MAP3K4: variants seen among roughly 807,000 people sequenced by gnomAD.
MAP3K4 encodes the protein mitogen-activated protein kinase kinase kinase 4, also known as MAP three kinase 1.
A neutral mutation model predicts 185.6 loss-of-function variants in MAP3K4; 67 were observed. The observed-to-expected ratio is 0.36, with a 90% CI of 0.30 to 0.44. MAP3K4 has a LOEUF of 0.44. Ranked by LOEUF, MAP3K4 falls within the 20% of genes least tolerant of loss-of-function variation. The pLI is 1.00. For missense variants in MAP3K4, 1,551 were observed against 1,995.1 expected (o/e 0.78, Z 4.24); for synonymous variants, 702 against 710.4 (o/e 0.99, Z 0.19).
chr6:161,019,448 C>T (rs1782272092), intron 1 of MAP3K4, among the ~76,000 whole-genome samples: 1 of 152,228 alleles, frequency 6.6e-6, no homozygotes, highest in Non-Finnish European at 1.5e-5. Context: ...GTCTCTCTCG[C>T]CCAGGCTGGA....
Position 161,051,410 on chromosome 6 carries a change from A to G in MAP3K4, c.1707+1431A>G, listed in dbSNP as rs1310267024. ...GGAGGAACGGGTTAAGCATTCACAT[A>G]AATTCAGGAAGATGTTTACAACATG... On this transcript the variant is annotated intron_variant, in intron 3 of 26. Transcript: ENST00000392142. This position sits in a 1 kb window ranked among gnomAD's most constrained non-coding sequence, Gnocchi z 4.2. 6.6e-6 allele frequency among the ~76,000 whole-genome samples: 1 copy of G among 152,228 alleles called. No individual in the cohort carries two copies. The highest frequency in any genetic ancestry group is 2.4e-5 in the African/African-American group (1 of 41,466).
chr6:161,093,844 G>C lies in MAP3K4; in HGVS notation c.3420G>C (p.Leu1140Phe). The C allele has an allele frequency of 1.2e-6, 2 of 1,611,688 alleles. No individual in the cohort carries two copies. Among genetic ancestry groups the C allele is most frequent in the Non-Finnish European group, 1.7e-6 (2 of 1,178,370 alleles). The change falls in exon 15 of 27, where the codon TTG becomes TTC. Residue 1140 changes from leucine (L) to phenylalanine (F), a missense_variant. Leu to Phe is a conservative substitution (Grantham distance 22). Around this residue, in one of 16 missense-constraint regions of MAP3K4, gnomAD observed 272 missense variants for 301.2 expected, o/e 0.90. Transcript: ENST00000392142. The surrounding 1 kb of genome is among the most constrained non-coding windows in gnomAD (Gnocchi z 5.2). ...AACCACACAGTCCTGTTACAGGTTT[G>C]TACCTTGGTAAGACAGCCGTTAACA... ...IGKPHSPVTG[L>F]YLAIHRNSPR...
chr6:161,025,921 C>G (rs1782627997), intron 1 of MAP3K4, among the ~76,000 whole-genome samples: 1 of 152,152 alleles, frequency 6.6e-6, no homozygotes, highest in Admixed American at 6.5e-5. Context: ...CTATGGTTCT[C>G]TTTAGTTAAG....
At position 161,084,472 on chromosome 6, in the gene MAP3K4, CTG is replaced by C; in HGVS notation, c.2256-27_2256-26del. ...CTATGAGTAGGGACAGTTTTCTTCT[CTG>C]TTTTATTTTTATTTTTGTTCCCTTA... On this transcript the variant is annotated intron_variant, in intron 6 of 26. Transcript: ENST00000392142. This position sits in a 1 kb window ranked among gnomAD's most constrained non-coding sequence, Gnocchi z 4.6. 4 of 1,066,534 alleles carry C rather than the reference CTG, an allele frequency of 3.8e-6. No homozygotes were observed. The highest frequency in any genetic ancestry group is 5.9e-6 in the Non-Finnish European group (4 of 681,678). The allele number at this position is 1,066,534 out of a possible 1,614,324, so 66.1% of individuals were successfully genotyped here.
intron 1 of MAP3K4, among the ~76,000 whole-genome samples, chr6:161,000,676 T>G (rs1407380105): frequency 6.6e-6 from 1 of 152,000 alleles, no homozygotes; most frequent in Non-Finnish European, 1.5e-5. Context: ...AAGGAACTCA[T>G]TTTCCCCTGA....
At chr6:161,102,824 A>AG (rs747459294) in intron 19 of MAP3K4, 45 bp downstream of exon 19, 3 of 1,103,736 alleles carry the variant, frequency 2.7e-6, no homozygotes, top group Non-Finnish European at 3.9e-6. Context: ...AAAAAAAAAA[A>AG]CACGATTACA....
In MAP3K4 at chr6:161,007,455, A is replaced by G. The variant is rs73022099; in HGVS notation, c.152+15372A>G. Among the ~76,000 whole-genome samples, 439 of 152,314 alleles carry G rather than the reference A, an allele frequency of 2.9e-3. 2 individuals are homozygous for G. The highest frequency in any genetic ancestry group is 4.5e-3 in the Non-Finnish European group (306 of 68,020). On this transcript the variant is annotated intron_variant, in intron 1 of 26. Coordinates refer to ENST00000392142, the MANE Select transcript of MAP3K4 (RefSeq NM_005922.4). This position sits in a 1 kb window ranked among gnomAD's most constrained non-coding sequence, Gnocchi z 4.5. ...AGGTTAGCCATTTCTTGGAACACAG[A>G]ACGTGGATTTCCTATCCATTGCTCT...
chr6:160,993,083 A>G (rs1404509613), intron 1 of MAP3K4, among the ~76,000 whole-genome samples: 2 of 152,220 alleles, frequency 1.3e-5, no homozygotes, highest in Non-Finnish European at 2.9e-5. Flanking sequence ...CTGTAACTGT[A>G]GTTAGAACTG....
At chr6:161,040,560 T>G (rs1783404662) in intron 2 of MAP3K4, among the ~76,000 whole-genome samples, 1 of 152,234 alleles carries the variant, frequency 6.6e-6, no homozygotes, top group African/African-American at 2.4e-5. Flanking sequence ...AAATGTAGTC[T>G]GTGACCCAAA....
At chr6:161,081,132 G>C in intron 6 of MAP3K4, 94 bp downstream of exon 6, 1 of 1,374,796 alleles carries the variant, frequency 7.3e-7, no homozygotes, top group Non-Finnish European at 9.9e-7. Flanking sequence ...TGTATGTTTA[G>C]TTACATGAAA....
chr6:161,108,610 AT>A lies in MAP3K4; in HGVS notation c.4120-127del. The A allele has an allele frequency of 1.5e-6, 1 of 654,946 alleles. No homozygotes were observed. The highest frequency in any genetic ancestry group is 2.7e-6 in the Non-Finnish European group (1 of 370,100). The allele number at this position is 654,946 out of a possible 1,614,324, so 40.6% of individuals were successfully genotyped here. On this transcript the variant is annotated intron_variant, in intron 21 of 26. Transcript: ENST00000392142. This position sits in a 1 kb window ranked among gnomAD's most constrained non-coding sequence, Gnocchi z 5.7. The stretch of plus-strand genomic sequence containing the variant: ...TGGCTAAAAACTTCCTTTTTACTTA[AT>A]TTTTTGTTGTTTTTAATTGACAAAT...
At chr6:161,020,412 C>T (rs1782325457) in intron 1 of MAP3K4, among the ~76,000 whole-genome samples, 1 of 152,076 alleles carries the variant, frequency 6.6e-6, no homozygotes, top group Non-Finnish European at 1.5e-5. Flanking sequence ...GTAATCCCAG[C>T]ACTTTGGGAG....
At chr6:161,029,010 A>G (rs76095751) in intron 1 of MAP3K4, among the ~76,000 whole-genome samples, 1,672 of 152,314 alleles carry the variant, frequency 0.011, 35 homozygotes, top group African/African-American at 0.038. Flanking sequence ...AGGCCAAGCA[A>G]GCTATACACA....
chr6:161,060,618 C>CTTTTT (rs35196179), intron 3 of MAP3K4, among the ~76,000 whole-genome samples: 6 of 126,390 alleles, frequency 4.7e-5, no homozygotes, highest in Admixed American at 8.0e-5. Context: ...TTTTCTTTTT[C>CTTTTT]TTTTTTTTTT....
chr6:161,077,506 G>A lies in MAP3K4; in HGVS notation c.2098-3375G>A, dbSNP rs966584465. On this transcript the variant is annotated intron_variant, in intron 5 of 26. Transcript: ENST00000392142. This position sits in a 1 kb window ranked among gnomAD's most constrained non-coding sequence, Gnocchi z 4.3. The stretch of plus-strand genomic sequence containing the variant: ...TCCGCTTGGGAAAGGAGCCTGGCAA[G>A]AGCAAGGCACCGCAGGCAGCCTGTG... Among the ~76,000 whole-genome samples, 4 of 152,192 alleles carry A rather than the reference G, an allele frequency of 2.6e-5. No homozygotes were observed. The East Asian group carries it at 5.8e-4, about 22-fold the overall frequency.
rs577956929 is a variant in MAP3K4 at position 161,108,052 on chromosome 6, G to T, written c.4119+83G>T. 4.3e-4 allele frequency: 540 copies of T among 1,262,946 alleles called. 2 individuals are homozygous for T. The highest frequency in any genetic ancestry group is 1.8e-3 in the Middle Eastern group (9 of 5,080). The allele number at this position is 1,262,946 out of a possible 1,614,324, so 78.2% of individuals were successfully genotyped here. On this transcript the variant is annotated intron_variant, in intron 21 of 26. Coordinates refer to ENST00000392142, the MANE Select transcript of MAP3K4 (RefSeq NM_005922.4). This position sits in a 1 kb window ranked among gnomAD's most constrained non-coding sequence, Gnocchi z 5.7. ...CCGTATAGACGCTGGTCGTGATTCA[G>T]TTCTCTGTGCGTAGAGCTGTCTTCA...
intron 3 of MAP3K4, among the ~76,000 whole-genome samples, chr6:161,058,388 G>A (rs1784334725): frequency 6.6e-6 from 1 of 152,102 alleles, no homozygotes; most frequent in African/African-American, 2.4e-5. Flanking sequence ...GGCCACCCAA[G>A]TACACCTGTT....
At chr6:161,078,949 C>G (rs1038194869) in intron 5 of MAP3K4, among the ~76,000 whole-genome samples, 11 of 152,172 alleles carry the variant, frequency 7.2e-5, no homozygotes, top group African/African-American at 2.7e-4. Flanking sequence ...TGCGGTGGCT[C>G]TCGACTGTAA....
rs554039361 is a variant in MAP3K4 at position 161,022,630 on chromosome 6, G to A, written c.153-11629G>A. On this transcript the variant is annotated intron_variant, in intron 1 of 26. Coordinates refer to ENST00000392142, the MANE Select transcript of MAP3K4 (RefSeq NM_005922.4). This position sits in a 1 kb window ranked among gnomAD's most constrained non-coding sequence, Gnocchi z 4.2. ...TCTGCTGAAGATGGGAGGGCCTTGG[G>A]CCTTAGAGTTAGATCAGGACTCCAG... Among the ~76,000 whole-genome samples, 6 of 152,302 alleles carry A rather than the reference G, an allele frequency of 3.9e-5. No homozygotes were observed. The South Asian group carries it at 1.2e-3, about 32-fold the overall frequency.
Sources: allele counts gnomAD v4.1 joint callset (sites outside exome capture counted in the v4.1 genomes callset), GRCh38; gene constraint gnomAD v4.1.1; regional missense constraint gnomAD v4.1.1; non-coding constraint Gnocchi (gnomAD v3.1); transcripts MANE v1.5; gene names NCBI Gene and HGNC (gene_info 2026-07-23, HGNC 2026-07-21).